The following NEK11 variants were observed in gnomAD, a reference collection of about 807,000 sequenced individuals.
NEK11 encodes NIMA related kinase 11.
NEK11 carries 72 observed loss-of-function variants against 80.7 expected under a neutral mutation model. The ratio of observed to expected loss-of-function variants is 0.89; its 90% CI spans 0.74 to 1.08. NEK11 has a LOEUF of 1.08. Among genes scored for constraint, NEK11 ranks in the 50% least tolerant of loss-of-function variants. The probability of loss-of-function intolerance (pLI) is 0.00; values close to 1 mark genes in which losing one functional copy is unlikely to be tolerated. For synonymous variants in NEK11, 251 were observed against 260.7 expected (o/e 0.96, Z 0.36); for missense variants, 764 against 763.6 (o/e 1.00, Z -0.01).
intron 15 of NEK11, among the ~76,000 whole-genome samples, chr3:131,239,452 C>T (rs1307773711): frequency 1.3e-5 from 2 of 152,128 alleles, no homozygotes; most frequent in African/African-American, 4.8e-5. Flanking sequence ...AGCCTGGCAG[C>T]ACAGCATGAA....
intron 5 of NEK11, among the ~76,000 whole-genome samples, chr3:131,132,519 C>T (rs1014261646): frequency 2.0e-5 from 3 of 151,976 alleles, no homozygotes; most frequent in East Asian, 3.8e-4. Flanking sequence ...TATCACCGTT[C>T]TCCAAACTAC....
intron 3 of NEK11, among the ~76,000 whole-genome samples, chr3:131,045,414 C>T (rs962626726): frequency 2.0e-5 from 3 of 152,214 alleles, no homozygotes; most frequent in African/African-American, 7.2e-5. Context: ...ACCCAACACT[C>T]ATTCAGGAGC....
chr3:131,257,345 A>C (rs752290673), intron 16 of NEK11, among the ~76,000 whole-genome samples: 1 of 152,024 alleles, frequency 6.6e-6, no homozygotes, highest in Non-Finnish European at 1.5e-5. Flanking sequence ...CCCTAATTAC[A>C]TGGGAGACTG....
At chr3:131,203,737 G>A (rs1266044172) in intron 14 of NEK11, among the ~76,000 whole-genome samples, 2 of 114,258 alleles carry the variant, frequency 1.8e-5, no homozygotes, top group Admixed American at 8.8e-5. Context: ...TTATATATGT[G>A]TATATATATA....
intron 17 of NEK11, among the ~76,000 whole-genome samples, chr3:131,295,517 T>C (rs762722041): frequency 6.6e-6 from 1 of 152,210 alleles, no homozygotes; most frequent in Non-Finnish European, 1.5e-5. Flanking sequence ...TGAGTGCACA[T>C]CATATTGTGA....
At chr3:131,344,661 C>G (rs1002575498) in intron 17 of NEK11, among the ~76,000 whole-genome samples, 3 of 152,178 alleles carry the variant, frequency 2.0e-5, no homozygotes, top group Admixed American at 6.5e-5. Flanking sequence ...CCAGCCTGTA[C>G]AAGCATAGCA....
At chr3:131,209,799 T>C (rs944385123) in intron 14 of NEK11, among the ~76,000 whole-genome samples, 1 of 152,230 alleles carries the variant, frequency 6.6e-6, no homozygotes, top group Non-Finnish European at 1.5e-5. Context: ...CCTCTGATGG[T>C]AGTTTGTATT....
chr3:131,321,575 A>T (rs1017823355), intron 17 of NEK11, among the ~76,000 whole-genome samples: 26 of 152,170 alleles, frequency 1.7e-4, no homozygotes, highest in African/African-American at 5.8e-4. Context: ...AACCTACAGA[A>T]TGGGAGAAAA....
chr3:131,084,781 T>TCCTGAGG (rs1268041115), intron 4 of NEK11, among the ~76,000 whole-genome samples: 1 of 152,148 alleles, frequency 6.6e-6, no homozygotes, highest in Non-Finnish European at 1.5e-5. Flanking sequence ...CTATCAAAAA[T>TCCTGAGG]CCTGAGGCCT....
intron 16 of NEK11, among the ~76,000 whole-genome samples, chr3:131,263,012 C>T (rs1365820603): frequency 1.3e-5 from 2 of 152,112 alleles, no homozygotes; most frequent in Non-Finnish European, 2.9e-5. Context: ...TTTATGGCTC[C>T]ATAGTATTCC....
intron 14 of NEK11, among the ~76,000 whole-genome samples, chr3:131,211,544 A>G (rs1309920801): frequency 6.6e-6 from 1 of 152,134 alleles, no homozygotes; most frequent in African/African-American, 2.4e-5. Flanking sequence ...GTTCTTCTGG[A>G]TAATATCCTG....
intron 12 of NEK11, among the ~76,000 whole-genome samples, chr3:131,166,845 C>A (rs1167882030): frequency 2.0e-5 from 3 of 152,138 alleles, no homozygotes; most frequent in Non-Finnish European, 4.4e-5. Flanking sequence ...CTCAAGCCCC[C>A]TCTGAAAACT....
intron 3 of NEK11, among the ~76,000 whole-genome samples, chr3:131,059,017 A>G (rs913326140): frequency 1.3e-5 from 2 of 152,214 alleles, no homozygotes; most frequent in Non-Finnish European, 2.9e-5. Context: ...TAGTTCTATC[A>G]GGAGCCTTCA....
At chr3:131,067,047 A>G (rs2072165209) in intron 3 of NEK11, among the ~76,000 whole-genome samples, 1 of 152,178 alleles carries the variant, frequency 6.6e-6, no homozygotes, top group South Asian at 2.1e-4. Context: ...TACTATTGCC[A>G]TAATCATCAC....
chr3:131,260,013 A>C (rs1435920453), intron 16 of NEK11, among the ~76,000 whole-genome samples: 1 of 152,098 alleles, frequency 6.6e-6, no homozygotes, highest in Non-Finnish European at 1.5e-5. Context: ...AATCTTCACC[A>C]AGTTTGTGTC....
chr3:131,105,037 G>A (rs140359782), intron 4 of NEK11, among the ~76,000 whole-genome samples: 2 of 152,302 alleles, frequency 1.3e-5, no homozygotes, highest in East Asian at 1.9e-4. Context: ...ATGGCCTCCT[G>A]TATGATCCAC....
rs553737123 is a variant in NEK11, at chr3:131,159,558, G to C, written c.963-2850G>C. Among the ~76,000 whole-genome samples the C allele has an allele frequency of 9.2e-5, 14 of 152,306 alleles. No homozygotes were observed. In the South Asian group the frequency reaches 2.9e-3, roughly 32 times the overall value. On this transcript the variant is annotated intron_variant, in intron 10 of 17. Transcript: ENST00000383366. ...AGGTGGGTGGATCATTTGAGGTCAGGAGTTTGAGACCAGCCTGGCCAACAT... is the reference window on the plus strand; with the variant it reads ...AGGTGGGTGGATCATTTGAGGTCAGCAGTTTGAGACCAGCCTGGCCAACAT...
At chr3:131,150,229 C>T (rs2089360804) in intron 7 of NEK11, among the ~76,000 whole-genome samples, 1 of 151,896 alleles carries the variant, frequency 6.6e-6, no homozygotes, top group Admixed American at 6.6e-5. Flanking sequence ...TTGAGGCTTG[C>T]TTTATGGCCC....
intron 3 of NEK11, among the ~76,000 whole-genome samples, chr3:131,031,369 T>C (rs548486602): frequency 6.6e-6 from 1 of 152,338 alleles, no homozygotes; most frequent in South Asian, 2.1e-4. Context: ...AATAGAATGA[T>C]AAATTTCTGA....
Sources: gnomAD v4.1 joint callset for allele counts (sites outside exome capture counted in the v4.1 genomes callset) on GRCh38, gnomAD v4.1.1 for gene constraint, MANE v1.5 for transcripts, NCBI Gene and HGNC (gene_info 2026-07-23, HGNC 2026-07-21) for gene names.